COG5: variants seen among roughly 807,000 people sequenced by gnomAD.
The protein encoded by COG5 is conserved oligomeric Golgi complex subunit 5.
COG5 carries 86 observed loss-of-function variants against 110.4 expected under a neutral mutation model. That is an observed-to-expected ratio of 0.78 (90% CI 0.65 to 0.93). The LOEUF is 0.93. COG5 is among the 40% of genes least tolerant of loss of function. COG5 has a pLI of 0.00. For missense variants in COG5, 1,077 were observed against 987.0 expected, an observed-to-expected ratio of 1.09 and a Z score of -1.22; for synonymous variants, 360 against 334.6, an observed-to-expected ratio of 1.08 and a Z score of -0.83.
chr7:107,368,508 A>G (rs1813831588), intron 8 of COG5, among the ~76,000 whole-genome samples: 2 of 152,188 alleles, frequency 1.3e-5, no homozygotes, highest in South Asian at 4.1e-4. Context: ...TCGCTGGTTT[A>G]GCCTAGGAAG....
chr7:107,474,740 T>G lies in COG5; in HGVS notation c.538+52497A>C. The G allele has an allele frequency of 6.2e-7, 1 of 1,610,762 alleles. No individual in the cohort carries two copies. Among genetic ancestry groups the G allele is most frequent in the South Asian group, 1.1e-5 (1 of 90,716 alleles). Reference sequence around the variant, plus strand: ...ATATTCTTTTTCACTGTTGTAGTAATGTTAATCACATACACCAAAATACTT... The same window carrying G: ...ATATTCTTTTTCACTGTTGTAGTAAGGTTAATCACATACACCAAAATACTT... On this transcript the variant is annotated intron_variant, in intron 6 of 21. Transcript: ENST00000297135. The surrounding 1 kb of genome is among the most constrained non-coding windows in gnomAD (Gnocchi z 5.7).
At chr7:107,213,278 G>A (rs1264173219) in intron 19 of COG5, among the ~76,000 whole-genome samples, 1 of 152,158 alleles carries the variant, frequency 6.6e-6, no homozygotes, top group African/African-American at 2.4e-5. Context: ...CCCAGGAAAA[G>A]AGATGCCCAC....
At chr7:107,479,361 C>T (rs1797180518) in intron 6 of COG5, among the ~76,000 whole-genome samples, 1 of 151,904 alleles carries the variant, frequency 6.6e-6, no homozygotes. Context: ...AGGGGAATTA[C>T]AAGGTGAAAA....
intron 7 of COG5, among the ~76,000 whole-genome samples, chr7:107,380,712 C>G (rs1563000232): frequency 6.6e-6 from 1 of 152,142 alleles, no homozygotes; most frequent in Non-Finnish European, 1.5e-5. Flanking sequence ...AAATTCACAG[C>G]CGAATTCTAC....
chr7:107,436,773 A>G (rs1794394437), intron 6 of COG5, among the ~76,000 whole-genome samples: 2 of 152,234 alleles, frequency 1.3e-5, no homozygotes, highest in Non-Finnish European at 2.9e-5. Flanking sequence ...AAAATTCTAA[A>G]GCAATAGAGA....
At chr7:107,210,476 C>T in intron 21 of COG5, 50 bp downstream of exon 21, 1 of 1,560,644 alleles carries the variant, frequency 6.4e-7, no homozygotes, top group Non-Finnish European at 8.7e-7. Context: ...CATCCCCACC[C>T]TCCTTGGGCT....
At chr7:107,289,704 T>C (rs1805999366) in intron 12 of COG5, among the ~76,000 whole-genome samples, 1 of 152,200 alleles carries the variant, frequency 6.6e-6, no homozygotes, top group African/African-American at 2.4e-5. Context: ...GAGTATAAAT[T>C]TGCACTCCTT....
chr7:107,424,214 A>G (rs1276154217), intron 6 of COG5, among the ~76,000 whole-genome samples: 1 of 152,106 alleles, frequency 6.6e-6, no homozygotes, highest in Non-Finnish European at 1.5e-5. Context: ...CAGAGGTTGC[A>G]GTGAGCTGAG....
At chr7:107,457,438 G>A (rs1795735056) in intron 6 of COG5, among the ~76,000 whole-genome samples, 2 of 150,476 alleles carry the variant, frequency 1.3e-5, no homozygotes, top group South Asian at 4.2e-4. Context: ...TTGTTTCTTT[G>A]TTTTTTTGAG....
At chr7:107,344,491 CT>C (rs1454125655) in intron 10 of COG5, among the ~76,000 whole-genome samples, 2 of 152,082 alleles carry the variant, frequency 1.3e-5, no homozygotes, top group Non-Finnish European at 2.9e-5. Context: ...ACCACTCAAA[CT>C]TTTGTCATAT....
intron 3 of COG5, among the ~76,000 whole-genome samples, chr7:107,552,829 G>C (rs1018275626): frequency 6.6e-6 from 1 of 152,190 alleles, no homozygotes; most frequent in Non-Finnish European, 1.5e-5. Context: ...GTTCATCACA[G>C]CACTGTTCAC....
rs1797220335 is a variant in COG5, at chr7:107,479,834, T to C, written c.538+47403A>G. Among the ~76,000 whole-genome samples, 2 of 152,184 alleles carry C rather than the reference T, an allele frequency of 1.3e-5. 1 individual carries two copies. Among genetic ancestry groups the C allele is most frequent in the South Asian group, 4.1e-4 (2 of 4,826 alleles). ...ATTATCTATTTTATATATTTTTCAA[T>C]TGGTTCATTCCATTTTTCCATTAAA... On this transcript the variant is annotated intron_variant, in intron 6 of 21. Transcript: ENST00000297135.
At chr7:107,533,101 A>G (rs1176664742) in intron 5 of COG5, among the ~76,000 whole-genome samples, 3 of 149,180 alleles carry the variant, frequency 2.0e-5, no homozygotes, top group Non-Finnish European at 4.4e-5. Flanking sequence ...GTTAGAAGAA[A>G]AACTAATAAA....
intron 11 of COG5, among the ~76,000 whole-genome samples, chr7:107,302,445 T>C (rs1401204287): frequency 1.3e-5 from 2 of 152,176 alleles, no homozygotes; most frequent in Non-Finnish European, 2.9e-5. Context: ...TGTTCACTGA[T>C]TGATTATTGT....
At chr7:107,341,170 T>C (rs897144457) in intron 10 of COG5, among the ~76,000 whole-genome samples, 23 of 152,110 alleles carry the variant, frequency 1.5e-4, no homozygotes, top group Admixed American at 8.5e-4. Context: ...CAAGTGATTA[T>C]AGCAAAGTTT....
At chr7:107,304,782 C>A (rs1008020384) in intron 11 of COG5, among the ~76,000 whole-genome samples, 1 of 152,214 alleles carries the variant, frequency 6.6e-6, no homozygotes, top group Non-Finnish European at 1.5e-5. Flanking sequence ...GGCAGTACTC[C>A]TTAAAACTCT....
At chr7:107,297,056 T>C (rs1389588754) in intron 12 of COG5, among the ~76,000 whole-genome samples, 1 of 152,194 alleles carries the variant, frequency 6.6e-6, no homozygotes, top group Non-Finnish European at 1.5e-5. Flanking sequence ...GTTTCCAATA[T>C]GGCTCCTAAA....
intron 13 of COG5, among the ~76,000 whole-genome samples, chr7:107,281,965 C>A (rs1805204610): frequency 6.9e-6 from 1 of 145,696 alleles, no homozygotes; most frequent in Non-Finnish European, 1.5e-5. Flanking sequence ...TGTCATGCTT[C>A]AACTTTAACA....
intron 6 of COG5, among the ~76,000 whole-genome samples, chr7:107,458,464 A>G (rs2129099045): frequency 6.6e-6 from 1 of 152,368 alleles, no homozygotes; most frequent in South Asian, 2.1e-4. Context: ...GTAAGGTTCT[A>G]ACATTATACA....
Sources: gnomAD v4.1 joint callset for allele counts (sites outside exome capture counted in the v4.1 genomes callset) on GRCh38, gnomAD v4.1.1 for gene constraint, Gnocchi (gnomAD v3.1) non-coding constraint, MANE v1.5 for transcripts, NCBI Gene and HGNC (gene_info 2026-07-23, HGNC 2026-07-21) for gene names.